Variants in DMD observed in about 807,000 individuals in gnomAD.
The protein encoded by DMD is mutant dystrophin.
Under a neutral mutation model 330.1 loss-of-function variants are expected in DMD, and 63 were observed. The ratio of observed to expected loss-of-function variants is 0.19; its 90% CI spans 0.16 to 0.24. The LOEUF (loss-of-function observed/expected upper bound fraction) is 0.24, where lower values mean the gene tolerates loss of function less well. Ranked by LOEUF, DMD falls within the 10% of genes least tolerant of loss-of-function variation. The probability of loss-of-function intolerance (pLI) is 1.00; values close to 1 mark genes in which losing one functional copy is unlikely to be tolerated. For synonymous variants in DMD, 1,223 were observed against 959.8 expected, an observed-to-expected ratio of 1.27 and a Z score of -5.07; for missense variants, 3,344 against 2,684.1, an observed-to-expected ratio of 1.25 and a Z score of -5.43.
intron 47 of DMD, among the ~76,000 whole-genome samples, chrX:31,923,328 C>T (rs1269185019): frequency 9.0e-6 from 1 of 111,503 alleles, no homozygotes; most frequent in African/African-American, 3.3e-5. Flanking sequence ...ATTTATAATG[C>T]CAAGCCCTAT....
In DMD at chrX:32,106,560, A is replaced by G. The variant is rs771036930; in HGVS notation, c.6438+110356T>C. On this transcript the variant is annotated intron_variant, in intron 44 of 78. Coordinates refer to ENST00000357033, the MANE Select transcript of DMD (RefSeq NM_004006.3). ...GCTGTCTGAGTAGGGGACCATAAGA[A>G]TCCACTTCAGCTTCTGTAGTCTATG... Among the ~76,000 whole-genome samples the G allele has an allele frequency of 7.2e-5, 8 of 111,693 alleles. No individual in the cohort carries two copies. The East Asian group carries it at 2.0e-3, about 28-fold the overall frequency.
At chrX:31,150,790 G>T (rs1490990483) in intron 74 of DMD, among the ~76,000 whole-genome samples, 1 of 112,048 alleles carries the variant, frequency 8.9e-6, no homozygotes, top group Non-Finnish European at 1.9e-5. Flanking sequence ...CAAAAGGCTA[G>T]ATCTCCACAT....
chrX:32,185,706 G>C (rs746750669), intron 44 of DMD, among the ~76,000 whole-genome samples: 1 of 111,121 alleles, frequency 9.0e-6, no homozygotes, highest in East Asian at 2.8e-4. Flanking sequence ...GCAAAGTAGA[G>C]AGGGCAATTT....
chrX:31,929,175 G>A (rs928842305), intron 47 of DMD, among the ~76,000 whole-genome samples: 4 of 111,723 alleles, frequency 3.6e-5, no homozygotes, highest in South Asian at 3.7e-4. Context: ...TGTGGCGAAC[G>A]TTAGTGTACA....
In DMD at chrX:31,348,295, T is replaced by C. The variant is rs188842031; in HGVS notation, c.9163+261A>G. 3.4e-3 allele frequency: 1,277 copies of C among 372,328 alleles called. 2 individuals are homozygous for C. The highest frequency in any genetic ancestry group is 4.8e-3 in the Non-Finnish European group (1,023 of 211,964). 30.7% of individuals were successfully genotyped at this position (372,328 alleles called of 1,213,427 possible). The stretch of plus-strand genomic sequence containing the variant: ...CATTTTTCAAAAAGACTCAAAAATA[T>C]TAATATGGTTAACATTTGAGAATAT... On this transcript the variant is annotated intron_variant, in intron 61 of 78. Coordinates refer to ENST00000357033, the MANE Select transcript of DMD (RefSeq NM_004006.3).
At chrX:31,735,063 A>G (rs1042158935) in intron 51 of DMD, among the ~76,000 whole-genome samples, 2 of 110,925 alleles carry the variant, frequency 1.8e-5, no homozygotes, top group Non-Finnish European at 3.8e-5. Flanking sequence ...TCCTCACCCA[A>G]TGATTGGGTG....
chrX:32,124,172 G>T (rs959336875), intron 44 of DMD, among the ~76,000 whole-genome samples: 12 of 112,551 alleles, frequency 1.1e-4, no homozygotes, highest in African/African-American at 3.9e-4. Flanking sequence ...CAGGCAATCT[G>T]CAAGGTGTTT....
chrX:32,266,254 A>G (rs893784218), intron 43 of DMD, among the ~76,000 whole-genome samples: 2 of 111,355 alleles, frequency 1.8e-5, no homozygotes, highest in Non-Finnish European at 3.8e-5. Flanking sequence ...CACCATATGA[A>G]GAAGGATGTG....
intron 44 of DMD, among the ~76,000 whole-genome samples, chrX:32,109,927 C>A (rs140189861): frequency 0.012 from 1,349 of 111,504 alleles, 20 homozygotes; most frequent in African/African-American, 0.042. Flanking sequence ...TCTTGACAAA[C>A]ACACGTCAAA....
chrX:32,022,329 A>C (rs1443180739), intron 44 of DMD, among the ~76,000 whole-genome samples: 1 of 112,237 alleles, frequency 8.9e-6, no homozygotes, highest in Non-Finnish European at 1.9e-5. Flanking sequence ...TTTGCTCTAA[A>C]CTAATTCAAT....
At position 32,371,308 on chromosome X, in the gene DMD, T is replaced by C. The variant is rs573430686; in HGVS notation, c.4846-6109A>G. On this transcript the variant is annotated intron_variant, in intron 34 of 78. Transcript: ENST00000357033. The stretch of plus-strand genomic sequence containing the variant: ...TTATTCTGCATTTAACACCTTCAGT[T>C]AAATTTATTAATACCATTTGTGTGC... Among the ~76,000 whole-genome samples the C allele has an allele frequency of 6.3e-5, 7 of 111,495 alleles. No homozygotes were observed. In the South Asian group the frequency reaches 1.8e-3, roughly 29 times the overall value.
At chrX:31,466,979 G>A (rs1265249549) in intron 59 of DMD, among the ~76,000 whole-genome samples, 2 of 111,716 alleles carry the variant, frequency 1.8e-5, no homozygotes, top group African/African-American at 6.5e-5. Flanking sequence ...TATTATTGGC[G>A]TATAGGAATG....
At chrX:33,080,974 T>TCA (rs763162216) in intron 1 of DMD, among the ~76,000 whole-genome samples, 8,845 of 92,564 alleles carry the variant, frequency 0.096, 383 homozygotes, top group African/African-American at 0.15. Flanking sequence ...TTTATAAACA[T>TCA]CACACACACA....
chrX:33,089,713 T>C (rs1455955116), intron 1 of DMD, among the ~76,000 whole-genome samples: 1 of 111,558 alleles, frequency 9.0e-6, no homozygotes, highest in African/African-American at 3.3e-5. Flanking sequence ...CTAAGCATAT[T>C]ACAAAAATTG....
chrX:32,907,366 G>A (rs1268454490), intron 2 of DMD, among the ~76,000 whole-genome samples: 1 of 112,032 alleles, frequency 8.9e-6, no homozygotes, highest in Non-Finnish European at 1.9e-5. Context: ...TTATGAACAA[G>A]CATTTTTATA....
At chrX:31,617,817 T>C (rs1025196116) in intron 55 of DMD, among the ~76,000 whole-genome samples, 1 of 111,585 alleles carries the variant, frequency 9.0e-6, no homozygotes, top group Non-Finnish European at 1.9e-5. Context: ...AGACATGGAA[T>C]CAACCTAAAT....
chrX:32,398,274 CA>C (rs201159504), intron 30 of DMD, among the ~76,000 whole-genome samples: 1 of 94,430 alleles, frequency 1.1e-5, no homozygotes, highest in East Asian at 4.0e-4. Context: ...CCCCCCCCCC[CA>C]AGTAGAGTTA....
chrX:33,126,711 T>C (rs1038225390), intron 1 of DMD, among the ~76,000 whole-genome samples: 6 of 112,065 alleles, frequency 5.4e-5, no homozygotes, highest in African/African-American at 1.9e-4. Flanking sequence ...CCTTAGTTTG[T>C]ACATGCATTT....
intron 47 of DMD, among the ~76,000 whole-genome samples, chrX:31,922,495 G>GGTGT (rs765621749): frequency 0.024 from 2,351 of 97,419 alleles, 54 homozygotes; most frequent in African/African-American, 0.07. Flanking sequence ...ACTTGAGACT[G>GGTGT]GTGTGTGTGT....
Sources: allele counts gnomAD v4.1 joint callset (sites outside exome capture counted in the v4.1 genomes callset), GRCh38; gene constraint gnomAD v4.1.1; transcripts MANE v1.5; gene names NCBI Gene and HGNC (gene_info 2026-07-23, HGNC 2026-07-21).